TTLL1: variants seen among roughly 807,000 people sequenced by gnomAD.
TTLL1 encodes polyglutamylase complex subunit TTLL1.
Under a neutral mutation model 47.8 loss-of-function variants are expected in TTLL1, and 33 were observed. That is an observed-to-expected ratio of 0.69 (90% CI 0.52 to 0.92). TTLL1 has a LOEUF of 0.92. Ranked by LOEUF, TTLL1 falls within the 40% of genes least tolerant of loss-of-function variation. TTLL1 has a pLI of 0.00. For missense variants in TTLL1, 488 were observed against 547.5 expected (o/e 0.89, Z 1.08); for synonymous variants, 225 against 214.1 (o/e 1.05, Z -0.45).
At chr22:43,068,702 C>CCG (rs1927911027) in intron 4 of TTLL1, 112 bp from the exon 5 acceptor site, 1 of 960,776 alleles carries the variant, frequency 1.0e-6, no homozygotes, top group Non-Finnish European at 1.4e-6. Context: ...TCCCCCACCG[C>CCG]AACCCAGCAG....
intron 1 of TTLL1, among the ~76,000 whole-genome samples, chr22:43,082,197 G>A (rs1368079301): frequency 2.0e-5 from 3 of 149,356 alleles, no homozygotes; most frequent in Non-Finnish European, 3.0e-5. Flanking sequence ...AATTGATTAC[G>A]TCACATTAAT....
At chr22:43,061,062 C>T (rs1569427514) in intron 7 of TTLL1, among the ~76,000 whole-genome samples, 9 of 152,040 alleles carry the variant, frequency 5.9e-5, no homozygotes, top group Admixed American at 5.9e-4. Flanking sequence ...TGGTGGCGTG[C>T]ACCTGTAACC....
chr22:43,048,544 T>A (rs1601657729), intron 9 of TTLL1, among the ~76,000 whole-genome samples: 1 of 145,264 alleles, frequency 6.9e-6, no homozygotes, highest in African/African-American at 2.6e-5. Context: ...GAGGCTGAGG[T>A]GAGAAGGATC....
chr22:43,042,912 T>C (rs2146955800), intron 10 of TTLL1, among the ~76,000 whole-genome samples: 1 of 150,336 alleles, frequency 6.7e-6, no homozygotes, highest in East Asian at 2.0e-4. Context: ...CTAAAAGCAG[T>C]GAGGCTCTGG....
In TTLL1 at chr22:43,050,021, C is replaced by T. The variant is rs140469833; in HGVS notation, c.978+1780G>A. Among the ~76,000 whole-genome samples the T allele has an allele frequency of 4.6e-5, 7 of 152,076 alleles. No homozygotes were observed. The East Asian group carries it at 5.8e-4, about 13-fold the overall frequency. On this transcript the variant is annotated intron_variant, in intron 9 of 10. Coordinates refer to ENST00000266254, the MANE Select transcript of TTLL1 (RefSeq NM_012263.5). ...CTGAGGCAGGAGAATTGCTTGAACCCGGGAGGCGGGGGTTGCAGTGAGCCG... is the reference window on the plus strand; with the variant it reads ...CTGAGGCAGGAGAATTGCTTGAACCTGGGAGGCGGGGGTTGCAGTGAGCCG...
chr22:43,066,969 C>T (rs1348219469), intron 5 of TTLL1, among the ~76,000 whole-genome samples: 1 of 151,040 alleles, frequency 6.6e-6, no homozygotes, highest in Non-Finnish European at 1.5e-5. Flanking sequence ...GCCTGGGCAA[C>T]AGAGTGAGAC....
rs552440715 is a variant in TTLL1, at chr22:43,068,700, C to T, written c.323-110G>A. ...GGCCTGTGGGCTGAGTGTCCCCCACCGCAACCCAGCAGCTAACAGAACAAG... is the reference window on the plus strand; with the variant it reads ...GGCCTGTGGGCTGAGTGTCCCCCACTGCAACCCAGCAGCTAACAGAACAAG... On this transcript the variant is annotated intron_variant, in intron 4 of 10. Coordinates refer to ENST00000266254, the MANE Select transcript of TTLL1 (RefSeq NM_012263.5). The T allele has an allele frequency of 9.8e-5, 95 of 973,018 alleles. No homozygotes were observed. In the African/African-American group the frequency reaches 1.0e-3, roughly 10 times the overall value. The allele number at this position is 973,018 out of a possible 1,614,324, so 60.3% of individuals were successfully genotyped here. A position where few individuals can be genotyped will look rare whatever the true frequency, so the allele number is the denominator to read the frequency against.
chr22:43,046,386 G>A, intron 10 of TTLL1, 24 bp downstream of exon 10: 1 of 1,612,062 alleles, frequency 6.2e-7, no homozygotes, highest in Non-Finnish European at 8.5e-7. Flanking sequence ...AGAAGGACAA[G>A]CGCACAGTCA....
chr22:43,059,451 T>C lies in TTLL1; in HGVS notation c.824A>G (p.Lys275Arg), dbSNP rs35714805. 2,137 of 1,614,080 alleles carry C rather than the reference T, an allele frequency of 1.3e-3. 22 individuals carry two copies. The African/African-American group carries it at 0.024, about 18-fold the overall frequency. The part of the protein sequence containing the change: ...LRLYLESTRG[K>R]EVTSKLFDEI... ...GTCGAACAGCTTGCTGGTCACCTCC[T>C]TGCCGCGGGTGCTCTCCAGGTAGAG... Residue 275 changes from lysine to arginine, a missense_variant, in exon 8 of 11, where the codon AAG becomes AGG. Lys to Arg is a conservative substitution (Grantham distance 26). Transcript: ENST00000266254.
intron 9 of TTLL1, among the ~76,000 whole-genome samples, chr22:43,049,831 C>G (rs865858052): frequency 6.6e-6 from 1 of 151,252 alleles, no homozygotes; most frequent in South Asian, 2.1e-4. Flanking sequence ...CGGTGGCTCA[C>G]GCCTGTCATC....
chr22:43,045,815 C>T (rs972249672), intron 10 of TTLL1, among the ~76,000 whole-genome samples: 11 of 152,124 alleles, frequency 7.2e-5, no homozygotes, highest in Middle Eastern at 6.4e-3. Flanking sequence ...CCAAGCACTC[C>T]ACCCAGCCTG....
intron 1 of TTLL1, among the ~76,000 whole-genome samples, chr22:43,086,836 C>T (rs758017577): frequency 6.6e-6 from 1 of 152,180 alleles, no homozygotes; most frequent in Non-Finnish European, 1.5e-5. Flanking sequence ...CCATTTCCCA[C>T]CCAGCAGCGG....
At chr22:43,087,539 A>AG (rs1569453497) in intron 1 of TTLL1, among the ~76,000 whole-genome samples, 1 of 150,810 alleles carries the variant, frequency 6.6e-6, no homozygotes, top group African/African-American at 2.4e-5. Context: ...AAAAAAAAAA[A>AG]AGAAATACAG....
Position 43,074,761 on chromosome 22 carries a change from C to T in TTLL1, c.113+713G>A, listed in dbSNP as rs942836643. On this transcript the variant is annotated intron_variant, in intron 3 of 10. Coordinates refer to ENST00000266254, the MANE Select transcript of TTLL1 (RefSeq NM_012263.5). ...CTCCAAACTGCTTCTTATTCATGGC[C>T]GGACATGGTGGCTCATGCCTGTAAT... Among the ~76,000 whole-genome samples the T allele has an allele frequency of 3.3e-5, 5 of 151,898 alleles. No individual in the cohort carries two copies. In the East Asian group the frequency reaches 5.8e-4, roughly 18 times the overall value.
At chr22:43,064,716 A>C (rs1175001405) in intron 5 of TTLL1, among the ~76,000 whole-genome samples, 1 of 152,008 alleles carries the variant, frequency 6.6e-6, no homozygotes, top group Non-Finnish European at 1.5e-5. Flanking sequence ...ACAGAGCAAG[A>C]CTCCATCTCA....
Position 43,056,008 on chromosome 22 carries a change from G to C in TTLL1, c.891+3376C>G, listed in dbSNP as rs528750995. Among the ~76,000 whole-genome samples, 27 of 151,874 alleles carry C rather than the reference G, an allele frequency of 1.8e-4. 1 individual carries two copies. In the South Asian group the frequency reaches 5.4e-3, roughly 30 times the overall value. On this transcript the variant is annotated intron_variant, in intron 8 of 10. Transcript: ENST00000266254. ...TATCCTCCTGCCTCTGCCTCCCTAA[G>C]AGCTGGGATTACAGGCGTGAGCCAC...
intron 7 of TTLL1, among the ~76,000 whole-genome samples, chr22:43,061,276 G>A (rs899364990): frequency 6.6e-6 from 1 of 152,216 alleles, no homozygotes; most frequent in East Asian, 1.9e-4. Context: ...AAGACCTGAA[G>A]GGGAAGCGAG....
chr22:43,074,447 G>T lies in TTLL1; in HGVS notation c.113+1027C>A, dbSNP rs909642620. Among the ~76,000 whole-genome samples the T allele has an allele frequency of 4.5e-5, 6 of 133,780 alleles. 1 individual carries two copies. The East Asian group carries it at 9.3e-4, about 21-fold the overall frequency. 87.8% of individuals were successfully genotyped at this position (133,780 alleles called of 152,430 possible). A position where few individuals can be genotyped will look rare whatever the true frequency, so the allele number is the denominator to read the frequency against. ...CGTCTCAAAAAAAAAAAAAAAAAAA[G>T]AAAGAAAGAAAGAAAAAAAAATATA... is the stretch of plus-strand genomic sequence containing the variant. On this transcript the variant is annotated intron_variant, in intron 3 of 10. Coordinates refer to ENST00000266254, the MANE Select transcript of TTLL1 (RefSeq NM_012263.5).
intron 10 of TTLL1, among the ~76,000 whole-genome samples, chr22:43,045,861 C>T (rs1032961338): frequency 2.0e-5 from 3 of 152,262 alleles, no homozygotes; most frequent in Non-Finnish European, 4.4e-5. Context: ...GGGCCTGGCA[C>T]GTGATCAGTG....
Sources: gnomAD v4.1 joint callset for allele counts (sites outside exome capture counted in the v4.1 genomes callset) on GRCh38, gnomAD v4.1.1 for gene constraint, MANE v1.5 for transcripts, NCBI Gene and HGNC (gene_info 2026-07-23, HGNC 2026-07-21) for gene names.